The following MYO18A variants were observed in gnomAD, a reference collection of about 807,000 sequenced individuals.
The protein encoded by MYO18A is unconventional myosin-XVIIIa.
Under a neutral mutation model 235.8 loss-of-function variants are expected in MYO18A, and 78 were observed. That is an observed-to-expected ratio of 0.33 (90% CI 0.28 to 0.40). The LOEUF (loss-of-function observed/expected upper bound fraction) is 0.40. MYO18A is among the 10% of genes least tolerant of loss of function. The pLI is 1.00. For missense variants in MYO18A, 2,215 were observed against 2,699.3 expected (o/e 0.82, Z 3.98); for synonymous variants, 977 against 1,077.8 (o/e 0.91, Z 1.83).
At position 29,093,905 on chromosome 17, in the gene MYO18A, T is replaced by C. The variant is rs1171300746; in HGVS notation, c.4821+75A>G. 3 of 1,083,280 alleles carry C rather than the reference T, an allele frequency of 2.8e-6. No individual in the cohort carries two copies. The East Asian group carries it at 7.8e-5, about 28-fold the overall frequency. 67.1% of individuals were successfully genotyped at this position (1,083,280 alleles called of 1,614,324 possible). A position where few individuals can be genotyped will look rare whatever the true frequency, so the allele number is the denominator to read the frequency against. ...AGACGATGTGGCTGAGGTAGGGAGG[T>C]GGAAAGCCCCTTACTTTAAAGCGGT... On this transcript the variant is annotated intron_variant, in intron 31 of 41. Coordinates refer to ENST00000527372, the MANE Select transcript of MYO18A (RefSeq NM_078471.4).
chr17:29,099,883 A>G, intron 21 of MYO18A, 121 bp from the exon 22 acceptor site: 2 of 1,373,844 alleles, frequency 1.5e-6, no homozygotes, highest in South Asian at 2.9e-5. Flanking sequence ...GCTTGGGAAG[A>G]GCCTCAAAAT....
Position 29,092,430 on chromosome 17 carries a change from CG to C in MYO18A, c.5099del (p.Ala1700GlyfsTer4), listed in dbSNP as rs1568049776. The C allele has an allele frequency of 6.2e-7, 1 of 1,612,172 alleles. No homozygotes were observed. Among genetic ancestry groups the C allele is most frequent in the Non-Finnish European group, 8.5e-7 (1 of 1,179,742 alleles). ...TTGCTTTCCGTGCTTTCACGGCTGC[CG>C]CACAGGTGAACTCTGACTCCTCCAG... ...NQLEESEFTC[A>X]AAVKARKAME... On this transcript the variant is annotated frameshift_variant, in exon 34 of 42. Coordinates refer to ENST00000527372, the MANE Select transcript of MYO18A (RefSeq NM_078471.4). LOFTEE classifies it high-confidence loss of function.
chr17:29,121,181 C>G lies in MYO18A; in HGVS notation c.1402G>C (p.Glu468Gln), dbSNP rs752403490. 7.5e-6 allele frequency: 12 copies of G among 1,609,626 alleles called. No individual in the cohort carries two copies. The South Asian group carries it at 1.3e-4, about 18-fold the overall frequency. The change falls in exon 6 of 42, where the codon GAG becomes CAG. Residue 468 changes from glutamate (E) to glutamine (Q), a missense_variant. Glu to Gln is a conservative substitution (Grantham distance 29). Transcript: ENST00000527372. The surrounding 1 kb of genome is among the most constrained non-coding windows in gnomAD (Gnocchi z 4.2). ...GCATAGATGTGGGGTGCCATGTCCT[C>G]CCGCCGACAACCCTTGAACATGTGC... ...VMHMFKGCRR[E>Q]DMAPHIYAVA...
At chr17:29,122,775 C>T (rs919045856) in intron 2 of MYO18A, among the ~76,000 whole-genome samples, 2 of 152,210 alleles carry the variant, frequency 1.3e-5, no homozygotes, top group Non-Finnish European at 2.9e-5. Flanking sequence ...GCCTGGACTT[C>T]GCAGTACAGA....
At chr17:29,142,292 T>G (rs899875669) in intron 2 of MYO18A, among the ~76,000 whole-genome samples, 2 of 152,242 alleles carry the variant, frequency 1.3e-5, no homozygotes, top group African/African-American at 2.4e-5. Flanking sequence ...CAGCCAAGGC[T>G]GAGAACTGCA....
At chr17:29,080,563 GA>G in intron 41 of MYO18A, 1 of 985,998 alleles carries the variant, frequency 1.0e-6, no homozygotes, top group East Asian at 1.1e-4. Flanking sequence ...GTCGAGCCGG[GA>G]GGTGCTGCGG....
intron 41 of MYO18A, chr17:29,076,152 T>C (rs139972051): frequency 6.5e-6 from 1 of 153,848 alleles, no homozygotes; most frequent in Non-Finnish European, 1.5e-5. Flanking sequence ...GGCCTAGGCA[T>C]GTGAGATAGG....
In MYO18A at chr17:29,121,148, G is replaced by C. The variant is rs1164126757; in HGVS notation, c.1435C>G (p.Gln479Glu). The C allele has an allele frequency of 5.0e-6, 8 of 1,610,688 alleles. No individual in the cohort carries two copies. Among genetic ancestry groups the C allele is most frequent in the Non-Finnish European group, 5.9e-6 (7 of 1,178,642 alleles). The part of the protein sequence containing the change: ...DMAPHIYAVA[Q>E]TAYRAMLMSR... ...ATCAGCATCGCCCTGTATGCGGTCT[G>C]GGCCACTGCATAGATGTGGGGTGCC... Residue 479 changes from glutamine to glutamate, a missense_variant, in exon 6 of 42, where the codon CAG (glutamine) becomes GAG (glutamate). Transcript: ENST00000527372. The surrounding 1 kb of genome is among the most constrained non-coding windows in gnomAD (Gnocchi z 4.2).
At chr17:29,130,474 C>CA (rs2067441221) in intron 2 of MYO18A, among the ~76,000 whole-genome samples, 59 of 142,238 alleles carry the variant, frequency 4.1e-4, no homozygotes, top group African/African-American at 7.0e-4. Flanking sequence ...GAGGCCTCTC[C>CA]CACACACACA....
rs769336873 is a variant in MYO18A at position 29,099,704 on chromosome 17, C to T, written c.3566G>A (p.Ser1189Asn). The T allele has an allele frequency of 1.2e-6, 2 of 1,613,700 alleles. No individual in the cohort carries two copies. Among genetic ancestry groups the T allele is most frequent in the Non-Finnish European group, 1.7e-6 (2 of 1,179,862 alleles). ...TGCTTGGAACAGGGTTAGGTTCCTG[C>T]TGGTTTGTTCATCCCGCTGCTCCTC... ...RLEEQRDEQT[S>N]RNLTLFQAAC... The change falls in exon 22 of 42, where the codon AGC becomes AAC. Residue 1189 changes from serine (S) to asparagine (N), a missense_variant. Ser to Asn is a conservative substitution (Grantham distance 46, BLOSUM62 1). Transcript: ENST00000527372.
intron 12 of MYO18A, 59 bp from the exon 13 acceptor site, chr17:29,115,500 G>T: frequency 6.4e-7 from 1 of 1,572,038 alleles, no homozygotes; most frequent in Non-Finnish European, 8.7e-7. Context: ...ATCTGGGTAA[G>T]CCCCTGACCT....
chr17:29,127,236 T>C (rs1567616020), intron 2 of MYO18A, among the ~76,000 whole-genome samples: 1 of 152,230 alleles, frequency 6.6e-6, no homozygotes, highest in Admixed American at 6.5e-5. Context: ...TTATCCTCTA[T>C]GCCCCTGTAG....
chr17:29,124,599 T>C (rs917548624), intron 2 of MYO18A: 46 of 1,222,814 alleles, frequency 3.8e-5, no homozygotes, highest in Non-Finnish European at 4.9e-5. Flanking sequence ...CCAGTGGGGC[T>C]AGGTGGTCAC....
At position 29,115,340 on chromosome 17, in the gene MYO18A, C is replaced by T; in HGVS notation, c.2318+11G>A. On this transcript the variant is annotated intron_variant, in intron 13 of 41. Transcript: ENST00000527372. ...AAGCAGGAAAAGCCCTGGGTCCTGCCTGGCACTCACCTATTCACCAGGGAG... is the reference window on the plus strand; with the variant it reads ...AAGCAGGAAAAGCCCTGGGTCCTGCTTGGCACTCACCTATTCACCAGGGAG... The T allele has an allele frequency of 6.2e-7, 1 of 1,613,826 alleles. No individual in the cohort carries two copies. Among genetic ancestry groups the T allele is most frequent in the Non-Finnish European group, 8.5e-7 (1 of 1,179,800 alleles).
At chr17:29,167,546 T>TA (rs1013505201) in intron 1 of MYO18A, among the ~76,000 whole-genome samples, 2 of 151,854 alleles carry the variant, frequency 1.3e-5, no homozygotes, top group Non-Finnish European at 2.9e-5. Flanking sequence ...ACCCTATCTC[T>TA]AAAAAAAATT....
chr17:29,118,352 A>C lies in MYO18A; in HGVS notation c.1893+25T>G. 6.3e-7 allele frequency: 1 copy of C among 1,595,728 alleles called. No homozygotes were observed. The highest frequency in any genetic ancestry group is 8.6e-7 in the Non-Finnish European group (1 of 1,166,116). On this transcript the variant is annotated intron_variant, in intron 9 of 41. Coordinates refer to ENST00000527372, the MANE Select transcript of MYO18A (RefSeq NM_078471.4). The surrounding 1 kb of genome is among the most constrained non-coding windows in gnomAD (Gnocchi z 4.2). ...CCTACCCCCAAGGCCCAGGGCTGGC[A>C]ACCCAGACCCCACAGACCCCTCACC...
chr17:29,094,454 T>G, intron 30 of MYO18A, 196 bp downstream of exon 30: 1 of 636,248 alleles, frequency 1.6e-6, no homozygotes, highest in South Asian at 2.0e-5. Context: ...TTTGTTTTTG[T>G]GGAAAGTTCC....
At chr17:29,083,532 G>GCACACACACA (rs57491599) in intron 40 of MYO18A, among the ~76,000 whole-genome samples, 11 of 144,664 alleles carry the variant, frequency 7.6e-5, no homozygotes, top group East Asian at 2.0e-4. Context: ...GCGCGCGCGC[G>GCACACACACA]CACACACACA....
rs761762695 is a variant in MYO18A at position 29,094,951 on chromosome 17, C to T, written c.4494G>A (p.Leu1498=). 6.2e-7 allele frequency: 1 copy of T among 1,609,916 alleles called. No individual in the cohort carries two copies. The highest frequency in any genetic ancestry group is 8.5e-7 in the Non-Finnish European group (1 of 1,176,972). ...CCCTACCCACCTCTAGTTGCTGCTT[C>T]AGGCTGAAAGCCTCAGCGAGGAGCA... The part of the protein sequence containing the change: ...KDMLLAEAFS[L]KQQLEEKDMD... The change falls in exon 29 of 42, where the codon CTG becomes CTA. Residue 1498 remains leucine (L), a synonymous_variant. Coordinates refer to ENST00000527372, the MANE Select transcript of MYO18A (RefSeq NM_078471.4).
Sources: allele counts gnomAD v4.1 joint callset (sites outside exome capture counted in the v4.1 genomes callset), GRCh38; gene constraint gnomAD v4.1.1; non-coding constraint Gnocchi (gnomAD v3.1); transcripts MANE v1.5; gene names NCBI Gene and HGNC (gene_info 2026-07-23, HGNC 2026-07-21).